AFF3: variants seen among roughly 807,000 people sequenced by gnomAD.
The protein encoded by AFF3 is ALF transcription elongation factor 3, also known as AF4/FMR2 family member 3.
In AFF3, 32 loss-of-function variants were observed where a neutral mutation model predicts 129.7. The observed-to-expected ratio is 0.25, with a 90% CI of 0.19 to 0.33. The LOEUF (loss-of-function observed/expected upper bound fraction) is 0.33. AFF3 is among the 10% of genes least tolerant of loss of function. AFF3 has a pLI of 1.00. For synonymous variants in AFF3, 644 were observed against 635.4 expected, an observed-to-expected ratio of 1.01 and a Z score of -0.20; for missense variants, 1,373 against 1,592.0, an observed-to-expected ratio of 0.86 and a Z score of 2.34.
At chr2:99,845,227 C>G (rs1470812520) in intron 7 of AFF3, among the ~76,000 whole-genome samples, 1 of 152,154 alleles carries the variant, frequency 6.6e-6, no homozygotes, top group Non-Finnish European at 1.5e-5. Flanking sequence ...AAGTATCAGT[C>G]TTCTATTAGC....
At chr2:99,727,393 A>C (rs1469287072) in intron 10 of AFF3, among the ~76,000 whole-genome samples, 1 of 152,184 alleles carries the variant, frequency 6.6e-6, no homozygotes, top group Non-Finnish European at 1.5e-5. Context: ...ACTTTGCCAG[A>C]AGATGAATAT....
At chr2:99,802,916 G>T (rs2105518753) in intron 8 of AFF3, among the ~76,000 whole-genome samples, 1 of 152,160 alleles carries the variant, frequency 6.6e-6, no homozygotes, top group African/African-American at 2.4e-5. Context: ...GAGATAGTTT[G>T]ACTTCCTCTT....
chr2:99,972,481 A>G (rs958067061), intron 7 of AFF3, among the ~76,000 whole-genome samples: 1 of 152,264 alleles, frequency 6.6e-6, no homozygotes, highest in African/African-American at 2.4e-5. Flanking sequence ...AAAGAGTGAC[A>G]CCACACACAG....
rs569213221 is a variant in AFF3 at position 99,628,168 on chromosome 2, T to G, written c.1184+21458A>C. Among the ~76,000 whole-genome samples the G allele has an allele frequency of 2.9e-4, 44 of 152,226 alleles. 1 individual carries two copies. Among genetic ancestry groups the G allele is most frequent in the Non-Finnish European group, 6.0e-4 (41 of 68,034 alleles). On this transcript the variant is annotated intron_variant, in intron 13 of 24. Coordinates refer to ENST00000672756, the MANE Select transcript of AFF3 (RefSeq NM_001386135.1). ...AAATTTCTTTGGGCAGTATGGCCAT[T>G]TTCATGACATTGATTCTTCCTATCC... is the stretch of plus-strand genomic sequence containing the variant.
At chr2:99,639,964 T>C (rs1684034426) in intron 13 of AFF3, among the ~76,000 whole-genome samples, 2 of 152,072 alleles carry the variant, frequency 1.3e-5, no homozygotes, top group Non-Finnish European at 2.9e-5. Context: ...ATTACAGGCG[T>C]TAGCCACTGC....
At chr2:100,084,421 G>C (rs1689266469) in intron 4 of AFF3, among the ~76,000 whole-genome samples, 1 of 152,212 alleles carries the variant, frequency 6.6e-6, no homozygotes, top group Non-Finnish European at 1.5e-5. Flanking sequence ...GCTGGTGGCA[G>C]AGCAGGGGAT....
chr2:99,749,646 T>C (rs1457532626), intron 9 of AFF3, among the ~76,000 whole-genome samples: 1 of 152,220 alleles, frequency 6.6e-6, no homozygotes, highest in East Asian at 1.9e-4. Context: ...AATTCCCCTG[T>C]ACTCAATGGA....
intron 9 of AFF3, among the ~76,000 whole-genome samples, chr2:99,751,234 C>T (rs1419896692): frequency 2.6e-5 from 4 of 152,152 alleles, no homozygotes. Flanking sequence ...GCTGGGATTA[C>T]ATGCATGCAC....
At chr2:99,970,488 G>T (rs1247150206) in intron 7 of AFF3, among the ~76,000 whole-genome samples, 1 of 152,120 alleles carries the variant, frequency 6.6e-6, no homozygotes, top group Admixed American at 6.5e-5. Context: ...CACACACTTT[G>T]ACTTCCTTCA....
At chr2:99,662,212 C>T (rs1253872431) in intron 12 of AFF3, among the ~76,000 whole-genome samples, 1 of 151,682 alleles carries the variant, frequency 6.6e-6, no homozygotes, top group Non-Finnish European at 1.5e-5. Context: ...TTCTGCTGAA[C>T]ATTTGAGTTT....
chr2:99,554,752 C>T lies in AFF3; in HGVS notation c.3286-20G>A. 6.2e-7 allele frequency: 1 copy of T among 1,614,078 alleles called. No homozygotes were observed. The highest frequency in any genetic ancestry group is 8.5e-7 in the Non-Finnish European group (1 of 1,179,992). On this transcript the variant is annotated intron_variant, in intron 22 of 24. Transcript: ENST00000672756. ...TGAGTTCTGCAAGAAAATAAAAACA[C>T]TGACAGTGAGTGCCATCTGCGTGAG... is the stretch of plus-strand genomic sequence containing the variant.
chr2:99,571,680 G>A (rs1328603377), intron 18 of AFF3, among the ~76,000 whole-genome samples: 2 of 152,224 alleles, frequency 1.3e-5, no homozygotes, highest in African/African-American at 4.8e-5. Context: ...TCTTTGCATA[G>A]AATGGAGGGC....
intron 8 of AFF3, among the ~76,000 whole-genome samples, chr2:99,761,181 ACTT>A (rs1359725491): frequency 7.0e-6 from 1 of 143,464 alleles, no homozygotes; most frequent in Non-Finnish European, 1.5e-5. Flanking sequence ...CGTTCAGGTG[ACTT>A]CTTTTTTTTT....
At chr2:99,604,103 C>G (rs781595247) in intron 13 of AFF3, among the ~76,000 whole-genome samples, 2 of 152,108 alleles carry the variant, frequency 1.3e-5, no homozygotes, top group African/African-American at 2.4e-5. Flanking sequence ...ATCACTCAAC[C>G]CAGCAATCCC....
rs780220463 is a variant in AFF3, at chr2:99,594,240, T to C, written c.1421A>G (p.Lys474Arg). 24 of 1,613,188 alleles carry C rather than the reference T, an allele frequency of 1.5e-5. No individual in the cohort carries two copies. Among genetic ancestry groups the C allele is most frequent in the Non-Finnish European group, 2.0e-5 (24 of 1,179,430 alleles). Residue 474 changes from lysine (K) to arginine (R), a missense_variant, in exon 15 of 25, where the codon AAA (lysine) becomes AGA (arginine). This residue lies in a region of AFF3 where 413 missense variants were observed against 424.4 expected (regional missense o/e 0.97). Coordinates refer to ENST00000672756, the MANE Select transcript of AFF3 (RefSeq NM_001386135.1). Reference sequence around the variant, plus strand: ...AATAGGAGGCTTGTGGGGATTAACTTTGTTTAGCCATTTATCCAGCTGCCA... The same window carrying C: ...AATAGGAGGCTTGTGGGGATTAACTCTGTTTAGCCATTTATCCAGCTGCCA... ...NKWQLDKWLNKVNPHKPPILI... is the reference protein window; with the variant it reads ...NKWQLDKWLNRVNPHKPPILI...
Position 99,549,622 on chromosome 2 carries a change from G to A in AFF3, c.*1852C>T, listed in dbSNP as rs1399863717. On this transcript the variant is annotated 3_prime_UTR_variant, in exon 25 of 25. Transcript: ENST00000672756. Reference sequence around the variant, plus strand: ...AAGGGTTGTAAGAAGCACCCCAGTTGGAGACATGTAAAATGGAAATTCTCT... The same window carrying A: ...AAGGGTTGTAAGAAGCACCCCAGTTAGAGACATGTAAAATGGAAATTCTCT... The A allele has an allele frequency of 2.5e-5, 5 of 204,062 alleles. No individual in the cohort carries two copies. Among genetic ancestry groups the A allele is most frequent in the Non-Finnish European group, 5.0e-5 (5 of 99,628 alleles). The allele number at this position is 204,062 out of a possible 1,614,324, so 12.6% of individuals were successfully genotyped here. A position where few individuals can be genotyped will look rare whatever the true frequency, so the allele number is the denominator to read the frequency against.
intron 4 of AFF3, among the ~76,000 whole-genome samples, chr2:100,014,668 G>T (rs1682835223): frequency 2.0e-5 from 3 of 152,080 alleles, no homozygotes; most frequent in African/African-American, 7.2e-5. Context: ...TAAGGAGATG[G>T]AAAAGAAGAA....
intron 21 of AFF3, among the ~76,000 whole-genome samples, chr2:99,559,582 G>A (rs891740927): frequency 1.3e-5 from 2 of 152,042 alleles, no homozygotes; most frequent in African/African-American, 4.8e-5. Context: ...TTGTCATTTA[G>A]TGTATTATTC....
chr2:100,059,829 C>CAG (rs1419579687), intron 4 of AFF3, among the ~76,000 whole-genome samples: 2 of 152,194 alleles, frequency 1.3e-5, no homozygotes, highest in African/African-American at 4.8e-5. Flanking sequence ...CAGGATCTGG[C>CAG]AGAGAGACTT....
Sources: allele counts gnomAD v4.1 joint callset (sites outside exome capture counted in the v4.1 genomes callset), GRCh38; gene constraint gnomAD v4.1.1; regional missense constraint gnomAD v4.1.1; transcripts MANE v1.5; gene names NCBI Gene and HGNC (gene_info 2026-07-23, HGNC 2026-07-21).